The following GNPTAB variants were observed in gnomAD, a reference collection of about 807,000 sequenced individuals.
The protein encoded by GNPTAB is N-acetylglucosamine-1-phosphate transferase subunits alpha and beta.
A neutral mutation model predicts 136.6 loss-of-function variants in GNPTAB; 92 were observed. The ratio of observed to expected loss-of-function variants is 0.67; its 90% CI spans 0.57 to 0.80. The LOEUF (loss-of-function observed/expected upper bound fraction) is 0.80, where lower values mean the gene tolerates loss of function less well. GNPTAB is among the 30% of genes least tolerant of loss of function. The pLI is 0.00. For synonymous variants in GNPTAB, 512 were observed against 535.1 expected, an observed-to-expected ratio of 0.96 and a Z score of 0.60; for missense variants, 1,343 against 1,501.8, an observed-to-expected ratio of 0.89 and a Z score of 1.75.
chr12:101,752,021 A>T (rs1952827146), intron 19 of GNPTAB, among the ~76,000 whole-genome samples: 1 of 26,918 alleles, frequency 3.7e-5, no homozygotes, highest in Admixed American at 3.1e-4. Context: ...AGTTAAGTTA[A>T]AAAAAAAAAA....
intron 3 of GNPTAB, among the ~76,000 whole-genome samples, chr12:101,789,124 T>TA (rs1308091649): frequency 2.6e-5 from 4 of 152,222 alleles, no homozygotes; most frequent in African/African-American, 9.6e-5. Context: ...ACTGTGGAGA[T>TA]ATTTTTCATA....
At position 101,757,604 on chromosome 12, in the gene GNPTAB, G is replaced by A. The variant is rs768943595; in HGVS notation, c.3303C>T (p.Ile1101=). The A allele has an allele frequency of 6.3e-7, 1 of 1,582,646 alleles. No homozygotes were observed. Among genetic ancestry groups the A allele is most frequent in the South Asian group, 1.1e-5 (1 of 90,478 alleles). The change falls in exon 17 of 21, where the codon ATC becomes ATT. Residue 1101 remains isoleucine, a synonymous_variant. Transcript: ENST00000299314. ...TGTTTTTGTCCTTATATGCTTTGTG[G>A]ATTTTGTCAGTTACTGGTTTACAGT... The part of the protein sequence containing the change: ...VTNCKPVTDK[I]HKAYKDKNKY...
Position 101,746,015 on chromosome 12 carries a change from G to C in GNPTAB, c.*1149C>G, listed in dbSNP as rs1952728774. ...CCACTGCACTCCAGCCTGGGCAACA[G>C]AGAGAGACTCTGTCTCAAAAACAAC... On this transcript the variant is annotated 3_prime_UTR_variant, in exon 21 of 21. Transcript: ENST00000299314. 6.6e-6 allele frequency: 1 copy of C among 152,452 alleles called. No individual in the cohort carries two copies. 9.4% of individuals were successfully genotyped at this position (152,452 alleles called of 1,614,324 possible).
chr12:101,759,658 G>C (rs1475574821), intron 16 of GNPTAB, among the ~76,000 whole-genome samples: 1 of 152,144 alleles, frequency 6.6e-6, no homozygotes, highest in Non-Finnish European at 1.5e-5. Context: ...GTAAGTGCCA[G>C]CATTAAAGCA....
chr12:101,818,519 G>A lies in GNPTAB; in HGVS notation c.117+12040C>T, dbSNP rs563185600. 1.2e-3 allele frequency among the ~76,000 whole-genome samples: 188 copies of A among 151,132 alleles called. 2 individuals are homozygous for A. The highest frequency in any genetic ancestry group is 4.1e-3 in the African/African-American group (170 of 41,148). The stretch of plus-strand genomic sequence containing the variant: ...CAGCCTCCCAAGTAGCTGGGATTAC[G>A]GGCACCTGACACCACACCCGACTAA... On this transcript the variant is annotated intron_variant, in intron 1 of 20. Coordinates refer to ENST00000299314, the MANE Select transcript of GNPTAB (RefSeq NM_024312.5).
At position 101,751,789 on chromosome 12, in the gene GNPTAB, C is replaced by T. The variant is rs573229999; in HGVS notation, c.3602+1583G>A. 9.2e-5 allele frequency among the ~76,000 whole-genome samples: 14 copies of T among 152,276 alleles called. No individual in the cohort carries two copies. In the South Asian group the frequency reaches 1.0e-3, roughly 11 times the overall value. Reference sequence around the variant, plus strand: ...TCAAGAAAAAGGGTAGCTACTCTGACGGCAGTGATGATGATGAAGCACACT... The same window carrying T: ...TCAAGAAAAAGGGTAGCTACTCTGATGGCAGTGATGATGATGAAGCACACT... On this transcript the variant is annotated intron_variant, in intron 19 of 20. Transcript: ENST00000299314.
At chr12:101,808,049 TAACAAAA>T (rs1383046103) in intron 1 of GNPTAB, among the ~76,000 whole-genome samples, 30 of 152,286 alleles carry the variant, frequency 2.0e-4, no homozygotes, top group Admixed American at 1.0e-3. Context: ...GGCATAACTC[TAACAAAA>T]TATGTATGAA....
intron 1 of GNPTAB, among the ~76,000 whole-genome samples, chr12:101,820,115 C>G (rs979214367): frequency 6.6e-6 from 1 of 152,220 alleles, no homozygotes; most frequent in East Asian, 1.9e-4. Context: ...TAGGACCAGC[C>G]TCTACGCAAG....
In GNPTAB at chr12:101,761,644, C is replaced by A. The variant is rs2137112837; in HGVS notation, c.2835G>T (p.Lys945Asn). The change falls in exon 14 of 21, where the codon AAG (lysine) becomes AAT (asparagine). Residue 945 changes from lysine (K) to asparagine (N), a missense_variant. Physicochemically the swap from Lys to Asn is moderately conservative, Grantham distance 94. Coordinates refer to ENST00000299314, the MANE Select transcript of GNPTAB (RefSeq NM_024312.5). ...GGACTTTCCGCGATGTGAATCCAAACTTGCTATTTAGAATTTTATTTACAT... is the reference window on the plus strand; with the variant it reads ...GGACTTTCCGCGATGTGAATCCAAAATTGCTATTTAGAATTTTATTTACAT... ...LRYVNKILNS[K>N]FGFTSRKVPA... is the part of the protein sequence containing the mutation. 1 of 1,614,188 alleles carries A rather than the reference C, an allele frequency of 6.2e-7. No homozygotes were observed. The highest frequency in any genetic ancestry group is 2.2e-5 in the East Asian group (1 of 44,880).
chr12:101,756,654 C>CTTAAAG (rs1451758884), intron 18 of GNPTAB: 1 of 192,072 alleles, frequency 5.2e-6, no homozygotes, highest in Non-Finnish European at 1.1e-5. Flanking sequence ...AAGTTAAAAA[C>CTTAAAG]TCAAAAATGC....
chr12:101,808,725 T>C (rs992470863), intron 1 of GNPTAB, among the ~76,000 whole-genome samples: 1 of 152,166 alleles, frequency 6.6e-6, no homozygotes, highest in African/African-American at 2.4e-5. Context: ...GGCGAGTGGA[T>C]CACCTGAGGT....
In GNPTAB at chr12:101,787,867, C is replaced by T. The variant is rs182085502; in HGVS notation, c.365+681G>A. Among the ~76,000 whole-genome samples the T allele has an allele frequency of 3.0e-4, 44 of 147,874 alleles. 2 individuals carry two copies. The East Asian group carries it at 8.0e-3, about 27-fold the overall frequency. Reference sequence around the variant, plus strand: ...GGCGGAGGTTGCGGTGAGCCGAGATCGCGCCACTGCACTCCAGCCTGGACA... The same window carrying T: ...GGCGGAGGTTGCGGTGAGCCGAGATTGCGCCACTGCACTCCAGCCTGGACA... On this transcript the variant is annotated intron_variant, in intron 4 of 20. Coordinates refer to ENST00000299314, the MANE Select transcript of GNPTAB (RefSeq NM_024312.5).
At chr12:101,780,117 T>G (rs530530371) in intron 7 of GNPTAB, 35 bp downstream of exon 7, 4 of 1,596,298 alleles carry the variant, frequency 2.5e-6, no homozygotes, top group Non-Finnish European at 3.4e-6. Context: ...AATGAGAATG[T>G]GCCAGGCTAA....
intron 1 of GNPTAB, among the ~76,000 whole-genome samples, chr12:101,830,259 T>C (rs540818783): frequency 6.6e-6 from 1 of 152,020 alleles, no homozygotes; most frequent in Non-Finnish European, 1.5e-5. Context: ...GAGGGAGCAA[T>C]ATCTAAAATC....
At chr12:101,782,647 C>T (rs982107553) in intron 5 of GNPTAB, among the ~76,000 whole-genome samples, 4 of 152,198 alleles carry the variant, frequency 2.6e-5, no homozygotes, top group Non-Finnish European at 5.9e-5. Flanking sequence ...GATCACATTA[C>T]ATTTCTACTC....
In GNPTAB at chr12:101,753,282, A is replaced by AT. The variant is rs1034342519; in HGVS notation, c.3602+89dup. 5 of 1,141,926 alleles carry AT rather than the reference A, an allele frequency of 4.4e-6. No homozygotes were observed. The African/African-American group carries it at 8.0e-5, about 18-fold the overall frequency. 70.7% of individuals were successfully genotyped at this position (1,141,926 alleles called of 1,614,324 possible). ...AAAAAAAAATAAAAAGAGAAATTTC[A>AT]TAAAAAAAACATTTCATCACTAACA... On this transcript the variant is annotated intron_variant, in intron 19 of 20. Transcript: ENST00000299314.
intron 19 of GNPTAB, among the ~76,000 whole-genome samples, chr12:101,750,004 A>G (rs1452072775): frequency 1.3e-5 from 2 of 152,236 alleles, no homozygotes; most frequent in Non-Finnish European, 2.9e-5. Flanking sequence ...TGGACAAACA[A>G]GGAAGGCAGG....
intron 5 of GNPTAB, among the ~76,000 whole-genome samples, chr12:101,783,887 GTT>G (rs544238396): frequency 7.0e-6 from 1 of 141,856 alleles, no homozygotes; most frequent in African/African-American, 2.6e-5. Flanking sequence ...ACTAATTTTT[GTT>G]TTTTTTTTTG....
At chr12:101,795,913 G>T in intron 2 of GNPTAB, 1 of 257,420 alleles carries the variant, frequency 3.9e-6, no homozygotes, top group Non-Finnish European at 7.2e-6. Context: ...GAAGGAGGGT[G>T]TTGAAAAAAA....
Sources: gnomAD v4.1 joint callset for allele counts (sites outside exome capture counted in the v4.1 genomes callset) on GRCh38, gnomAD v4.1.1 for gene constraint, MANE v1.5 for transcripts, NCBI Gene and HGNC (gene_info 2026-07-23, HGNC 2026-07-21) for gene names.